The following PCDH9 variants were observed in gnomAD, a reference collection of about 807,000 sequenced individuals.
The protein encoded by PCDH9 is protocadherin 9.
PCDH9 carries 24 observed loss-of-function variants against 70.6 expected under a neutral mutation model. That is an observed-to-expected ratio of 0.34 (90% confidence interval 0.25 to 0.48). The LOEUF is 0.48. PCDH9 is among the 20% of genes least tolerant of loss of function. The probability of loss-of-function intolerance (pLI) is 0.99; values close to 1 mark genes in which losing one functional copy is unlikely to be tolerated. For missense variants in PCDH9, 1,281 were observed against 1,503.6 expected, an observed-to-expected ratio of 0.85 and a Z score of 2.45; for synonymous variants, 562 against 558.5, an observed-to-expected ratio of 1.01 and a Z score of -0.09.
chr13:66,457,737 T>G (rs1175724355), intron 4 of PCDH9, among the ~76,000 whole-genome samples: 1 of 152,062 alleles, frequency 6.6e-6, no homozygotes, highest in Non-Finnish European at 1.5e-5. Flanking sequence ...TCATTTTTTA[T>G]GTAAACTGTT....
intron 2 of PCDH9, chr13:67,220,454 A>G (rs1346733328): frequency 6.6e-6 from 1 of 152,024 alleles, no homozygotes; most frequent in East Asian, 1.9e-4. Flanking sequence ...CTACTTTACT[A>G]TTTCACATAT....
At chr13:66,469,711 G>A (rs1958580756) in intron 4 of PCDH9, among the ~76,000 whole-genome samples, 2 of 151,990 alleles carry the variant, frequency 1.3e-5, no homozygotes, top group Admixed American at 1.3e-4. Context: ...TGTCAATTCT[G>A]GTATCTCTGG....
intron 4 of PCDH9, among the ~76,000 whole-genome samples, chr13:66,405,310 G>A (rs959225720): frequency 2.0e-5 from 3 of 152,134 alleles, no homozygotes; most frequent in African/African-American, 7.2e-5. Flanking sequence ...ATAAGAAACT[G>A]TTGCAAATAA....
chr13:67,159,570 G>T (rs2138412557), intron 2 of PCDH9, among the ~76,000 whole-genome samples: 1 of 152,310 alleles, frequency 6.6e-6, no homozygotes, highest in African/African-American at 2.4e-5. Context: ...CCAGAAGGGA[G>T]AGTAAAACAT....
chr13:67,118,468 G>C (rs2086818725), intron 2 of PCDH9, among the ~76,000 whole-genome samples: 1 of 152,120 alleles, frequency 6.6e-6, no homozygotes, highest in Non-Finnish European at 1.5e-5. Flanking sequence ...TAAGCCAACA[G>C]TTTTATTTGG....
chr13:66,958,534 T>C (rs143156541), intron 2 of PCDH9, among the ~76,000 whole-genome samples: 448 of 152,324 alleles, frequency 2.9e-3, no homozygotes, highest in African/African-American at 9.8e-3. Flanking sequence ...ACACATACTG[T>C]ATAGCAGTTA....
intron 2 of PCDH9, among the ~76,000 whole-genome samples, chr13:67,071,773 C>T (rs975520752): frequency 6.6e-6 from 1 of 151,308 alleles, no homozygotes; most frequent in African/African-American, 2.4e-5. Flanking sequence ...CCTGTAATCC[C>T]AGCTACTCTG....
intron 3 of PCDH9, among the ~76,000 whole-genome samples, chr13:66,890,913 A>G (rs11616514): frequency 1.0e-3 from 157 of 152,172 alleles, no homozygotes; most frequent in Non-Finnish European, 2.0e-3. Context: ...TAGAACATTT[A>G]TATTGCCTCA....
At chr13:67,032,844 T>A (rs775123524) in intron 2 of PCDH9, among the ~76,000 whole-genome samples, 2 of 152,186 alleles carry the variant, frequency 1.3e-5, no homozygotes, top group Non-Finnish European at 2.9e-5. Flanking sequence ...GCACAGCAAC[T>A]GCTGTGTTTT....
intron 4 of PCDH9, among the ~76,000 whole-genome samples, chr13:66,465,171 C>CACA (rs1958495392): frequency 6.6e-6 from 1 of 151,862 alleles, no homozygotes; most frequent in African/African-American, 2.4e-5. Context: ...GCAGCATCCA[C>CACA]ACAACAGCCT....
At chr13:66,721,019 G>A (rs1011600684) in intron 3 of PCDH9, among the ~76,000 whole-genome samples, 2 of 152,146 alleles carry the variant, frequency 1.3e-5, no homozygotes, top group African/African-American at 4.8e-5. Flanking sequence ...TGTTATACAC[G>A]TAAAAAATAA....
chr13:67,163,904 C>T (rs772243969), intron 2 of PCDH9, among the ~76,000 whole-genome samples: 22 of 152,074 alleles, frequency 1.4e-4, no homozygotes, highest in Non-Finnish European at 2.9e-4. Context: ...TAATGACATC[C>T]TATAGGAATT....
intron 2 of PCDH9, among the ~76,000 whole-genome samples, chr13:66,917,751 C>T (rs2082579409): frequency 6.6e-6 from 1 of 151,406 alleles, no homozygotes; most frequent in African/African-American, 2.4e-5. Flanking sequence ...TAATAATGCT[C>T]CTTATTAATA....
At chr13:66,822,871 T>C (rs1024697544) in intron 3 of PCDH9, among the ~76,000 whole-genome samples, 1 of 152,078 alleles carries the variant, frequency 6.6e-6, no homozygotes, top group African/African-American at 2.4e-5. Flanking sequence ...GGGATATATA[T>C]TAAATAAAAA....
intron 2 of PCDH9, among the ~76,000 whole-genome samples, chr13:66,905,704 GA>G (rs34928906): frequency 0.25 from 36,969 of 150,480 alleles, 5,488 homozygotes; most frequent in East Asian, 0.38. Context: ...GTCTGAACCT[GA>G]AAAAAAAATC....
chr13:66,434,095 A>C lies in PCDH9; in HGVS notation c.3341-129067T>G, dbSNP rs552945163. Reference sequence around the variant, plus strand: ...ACAATGGCTATAAAAATAGAAATATATACAATGTAAGGTTATCAAGACATT... The same window carrying C: ...ACAATGGCTATAAAAATAGAAATATCTACAATGTAAGGTTATCAAGACATT... On this transcript the variant is annotated intron_variant, in intron 4 of 4. Coordinates refer to ENST00000377865, the MANE Select transcript of PCDH9 (RefSeq NM_203487.3). Among the ~76,000 whole-genome samples, 4 of 152,062 alleles carry C rather than the reference A, an allele frequency of 2.6e-5. No homozygotes were observed. The South Asian group carries it at 8.3e-4, about 31-fold the overall frequency.
chr13:66,493,625 T>C (rs1288080030), intron 4 of PCDH9, among the ~76,000 whole-genome samples: 1 of 152,152 alleles, frequency 6.6e-6, no homozygotes, highest in African/African-American at 2.4e-5. Context: ...GGAGCTGCCA[T>C]AACCAAGGAA....
chr13:66,382,341 TGAG>T (rs1367797170), intron 4 of PCDH9, among the ~76,000 whole-genome samples: 1 of 152,034 alleles, frequency 6.6e-6, no homozygotes, highest in African/African-American at 2.4e-5. Flanking sequence ...AGATATCTGA[TGAG>T]ACCTAGAAAC....
chr13:66,330,185 C>G (rs925952294), intron 4 of PCDH9, among the ~76,000 whole-genome samples: 1 of 152,208 alleles, frequency 6.6e-6, no homozygotes, highest in Non-Finnish European at 1.5e-5. Context: ...TTTTGATAGT[C>G]TCTTCCTGTT....
Sources: allele counts gnomAD v4.1 joint callset (sites outside exome capture counted in the v4.1 genomes callset), GRCh38; gene constraint gnomAD v4.1.1; transcripts MANE v1.5; gene names NCBI Gene and HGNC (gene_info 2026-07-23, HGNC 2026-07-21).